The following EGFR variants were observed in gnomAD, a reference collection of about 807,000 sequenced individuals.
EGFR encodes avian erythroblastic leukemia viral (v-erb-b) oncogene homolog.
A neutral mutation model predicts 143.0 loss-of-function variants in EGFR; 58 were observed. That is an observed-to-expected ratio of 0.41 (90% CI 0.33 to 0.50). EGFR has a LOEUF of 0.50. EGFR is among the 20% of genes least tolerant of loss of function. The pLI is 0.39. For missense variants in EGFR, 1,307 were observed against 1,579.0 expected, an observed-to-expected ratio of 0.83 and a Z score of 2.92; for synonymous variants, 613 against 594.4, an observed-to-expected ratio of 1.03 and a Z score of -0.45.
rs1788923505 is a variant in EGFR at position 55,057,879 on chromosome 7, C to A, written c.88+38514C>A. Among the ~76,000 whole-genome samples, 3 of 152,212 alleles carry A rather than the reference C, an allele frequency of 2.0e-5. No individual in the cohort carries two copies. The South Asian group carries it at 6.2e-4, about 32-fold the overall frequency. ...ATACTAGACTGTGAGATCTGTGACA[C>A]TGAAGCACTAAGTTCATCTCACAAA... On this transcript the variant is annotated intron_variant, in intron 1 of 27. Coordinates refer to ENST00000275493, the MANE Select transcript of EGFR (RefSeq NM_005228.5).
chr7:55,097,168 G>T (rs1351726973), intron 1 of EGFR, among the ~76,000 whole-genome samples: 1 of 152,150 alleles, frequency 6.6e-6, no homozygotes, highest in Non-Finnish European at 1.5e-5. Context: ...CAGTTCCACG[G>T]CCCAGGAATC....
chr7:55,209,955 C>T lies in EGFR; in HGVS notation c.*4338C>T, dbSNP rs1788200118. On this transcript the variant is annotated 3_prime_UTR_variant, in exon 28 of 28. Transcript: ENST00000275493. ...TCTCTCTCTTATAAAAAGGCACAAC[C>T]TCATTGGGGAGCTAAGCTAGGTCAT... 6.6e-6 allele frequency: 1 copy of T among 152,140 alleles called. No individual in the cohort carries two copies. The highest frequency in any genetic ancestry group is 1.5e-5 in the Non-Finnish European group (1 of 68,038). 9.4% of individuals were successfully genotyped at this position (152,140 alleles called of 1,614,324 possible). A position where few individuals can be genotyped will look rare whatever the true frequency, so the allele number is the denominator to read the frequency against.
At chr7:55,099,022 G>A (rs548260330) in intron 1 of EGFR, among the ~76,000 whole-genome samples, 1 of 152,152 alleles carries the variant, frequency 6.6e-6, no homozygotes, top group Non-Finnish European at 1.5e-5. Flanking sequence ...CTTCATAAAC[G>A]TCCATGTTTT....
At chr7:55,152,278 C>G (rs1184029868) in intron 5 of EGFR, 1 of 639,150 alleles carries the variant, frequency 1.6e-6, no homozygotes, top group East Asian at 3.2e-5. Context: ...TATGTGCTTT[C>G]TGCATTGCCC....
intron 1 of EGFR, among the ~76,000 whole-genome samples, chr7:55,038,685 T>C (rs1047465200): frequency 1.3e-5 from 2 of 152,268 alleles, no homozygotes; most frequent in Non-Finnish European, 2.9e-5. Flanking sequence ...TCTTTTGAAC[T>C]TATGTATAGA....
chr7:55,165,561 T>TA, intron 15 of EGFR, 124 bp downstream of exon 15: 1 of 1,362,764 alleles, frequency 7.3e-7, no homozygotes, highest in Admixed American at 2.5e-5. Context: ...ACTTAAGGTG[T>TA]TTTGGTCCCC....
intron 1 of EGFR, among the ~76,000 whole-genome samples, chr7:55,079,703 C>T (rs919363411): frequency 6.6e-6 from 1 of 152,130 alleles, no homozygotes; most frequent in African/African-American, 2.4e-5. Context: ...TAGGCCCGGG[C>T]CTGCTGGCTT....
At chr7:55,070,042 A>G (rs1292713312) in intron 1 of EGFR, among the ~76,000 whole-genome samples, 1 of 152,236 alleles carries the variant, frequency 6.6e-6, no homozygotes, top group Admixed American at 6.5e-5. Context: ...TTGTTTTTTG[A>G]ACATCACACT....
At chr7:55,023,280 G>A (rs1485618712) in intron 1 of EGFR, among the ~76,000 whole-genome samples, 1 of 152,158 alleles carries the variant, frequency 6.6e-6, no homozygotes, top group African/African-American at 2.4e-5. Context: ...ACTAATAGGG[G>A]TATGTGTTGA....
At chr7:55,173,493 T>G (rs944936919) in intron 17 of EGFR, among the ~76,000 whole-genome samples, 5 of 152,196 alleles carry the variant, frequency 3.3e-5, no homozygotes, top group Non-Finnish European at 5.9e-5. Context: ...AGTGGCTTTG[T>G]CCATGATGGA....
intron 1 of EGFR, among the ~76,000 whole-genome samples, chr7:55,138,424 G>C (rs1794278269): frequency 6.6e-6 from 1 of 152,132 alleles, no homozygotes; most frequent in Non-Finnish European, 1.5e-5. Flanking sequence ...GAAATACCTA[G>C]TCTTAAATAA....
Position 55,200,055 on chromosome 7 carries a change from A to T in EGFR, c.2849-261A>T, listed in dbSNP as rs17290671. 0.025 allele frequency among the ~76,000 whole-genome samples: 3,862 copies of T among 152,286 alleles called. 136 individuals are homozygous for T. Among genetic ancestry groups the T allele is most frequent in the African/African-American group, 0.088 (3,674 of 41,550 alleles). On this transcript the variant is annotated intron_variant, in intron 23 of 27. Transcript: ENST00000275493. Reference sequence around the variant, plus strand: ...TCCATCCCCTCAGGCGTAACACAGGATGCTGACCCCAGGAAGAGTGGGCGT... The same window carrying T: ...TCCATCCCCTCAGGCGTAACACAGGTTGCTGACCCCAGGAAGAGTGGGCGT...
Position 55,156,534 on chromosome 7 carries a change from G to A in EGFR, c.1008G>A (p.Val336=), listed in dbSNP as rs2128938140. ...TACACGTCTCTCTTATCTCTGCAGT[G>A]TGTAACGGAATAGGTATTGGTGAAT... ...CKKCEGPCRK[V]CNGIGIGEFK... is the part of the protein sequence containing the mutation. The change falls in exon 9 of 28, where the codon GTG becomes GTA. Residue 336 remains valine, a splice_region_variant and synonymous_variant. Coordinates refer to ENST00000275493, the MANE Select transcript of EGFR (RefSeq NM_005228.5). The A allele has an allele frequency of 6.2e-7, 1 of 1,614,194 alleles. No homozygotes were observed. Among genetic ancestry groups the A allele is most frequent in the Non-Finnish European group, 8.5e-7 (1 of 1,180,044 alleles).
Position 55,207,048 on chromosome 7 carries a change from T to G in EGFR, c.*1431T>G. 4.3e-6 allele frequency: 1 copy of G among 233,012 alleles called. No homozygotes were observed. The highest frequency in any genetic ancestry group is 8.5e-6 in the Non-Finnish European group (1 of 117,890). The allele number at this position is 233,012 out of a possible 1,614,324, so 14.4% of individuals were successfully genotyped here. A position where few individuals can be genotyped will look rare whatever the true frequency, so the allele number is the denominator to read the frequency against. On this transcript the variant is annotated 3_prime_UTR_variant, in exon 28 of 28. Transcript: ENST00000275493. ...ATTCAGCTAGTTAGGAGCCCACCTT[T>G]TTTCCTAATCTGTGTGTGCCCTGTA...
chr7:55,021,690 C>T lies in EGFR; in HGVS notation c.88+2325C>T, dbSNP rs188005294. On this transcript the variant is annotated intron_variant, in intron 1 of 27. Coordinates refer to ENST00000275493, the MANE Select transcript of EGFR (RefSeq NM_005228.5). ...TTCAGTGGATTTTATTCAAGATGCA[C>T]TTTGTTTAGTGGGAGTTTTGTTTGG... Among the ~76,000 whole-genome samples the T allele has an allele frequency of 3.1e-3, 474 of 152,268 alleles. 3 individuals carry two copies. The highest frequency in any genetic ancestry group is 5.0e-3 in the Non-Finnish European group (339 of 68,022).
intron 1 of EGFR, among the ~76,000 whole-genome samples, chr7:55,020,559 T>TAC (rs11568315): frequency 0.087 from 12,551 of 145,054 alleles, 674 homozygotes; most frequent in African/African-American, 0.16. Flanking sequence ...AAACCTGTCT[T>TAC]ACACACACAC....
chr7:55,091,282 A>C (rs962847908), intron 1 of EGFR, among the ~76,000 whole-genome samples: 1 of 152,240 alleles, frequency 6.6e-6, no homozygotes, highest in Non-Finnish European at 1.5e-5. Flanking sequence ...AATATGATAA[A>C]TAAGTCAGTC....
At chr7:55,073,118 A>G (rs1044023332) in intron 1 of EGFR, among the ~76,000 whole-genome samples, 3 of 152,092 alleles carry the variant, frequency 2.0e-5, no homozygotes, top group Non-Finnish European at 2.9e-5. Flanking sequence ...CTTCTCACTC[A>G]TTGTTTCTGC....
intron 16 of EGFR, 77 bp from the exon 17 acceptor site, chr7:55,172,906 G>A (rs1258669177): frequency 6.2e-7 from 1 of 1,613,036 alleles, no homozygotes. Context: ...ACTGAAACAT[G>A]CAGGGGCGTG....
Sources: gnomAD v4.1 joint callset for allele counts (sites outside exome capture counted in the v4.1 genomes callset) on GRCh38, gnomAD v4.1.1 for gene constraint, MANE v1.5 for transcripts, NCBI Gene and HGNC (gene_info 2026-07-23, HGNC 2026-07-21) for gene names.